Variants in GNG7 observed in about 807,000 individuals in gnomAD.
GNG7 encodes G protein subunit gamma 7.
GNG7 carries 1 observed loss-of-function variant against 4.0 expected under a neutral mutation model. The ratio of observed to expected loss-of-function variants is 0.25; its 90% CI spans 0.09 to 1.18. The LOEUF is 1.18. Ranked by LOEUF, GNG7 falls within the 50% of genes most tolerant of loss-of-function variation. The pLI is 0.50. For missense variants in GNG7, 86 were observed against 91.9 expected (o/e 0.94, Z 0.26); for synonymous variants, 34 against 36.9 (o/e 0.92, Z 0.29).
chr19:2,601,130 C>A (rs949445099), intron 2 of GNG7, among the ~76,000 whole-genome samples: 1 of 151,842 alleles, frequency 6.6e-6, no homozygotes, highest in Non-Finnish European at 1.5e-5. Context: ...GAGAGACCTC[C>A]CCCCCGCCAC....
In GNG7 at chr19:2,691,589, G is replaced by A. The variant is rs182304210; in HGVS notation, c.-135+11057C>T. ...AAATAATAATAAAAGGAAAAGAGCC[G>A]GGCGTGGTGGCTCACGCCTGTAATC... On this transcript the variant is annotated intron_variant, in intron 1 of 4. Coordinates refer to ENST00000382159, the MANE Select transcript of GNG7 (RefSeq NM_052847.3). 4.9e-3 allele frequency among the ~76,000 whole-genome samples: 739 copies of A among 151,688 alleles called. 3 individuals carry two copies. The highest frequency in any genetic ancestry group is 9.1e-3 in the Non-Finnish European group (617 of 67,860).
intron 3 of GNG7, among the ~76,000 whole-genome samples, chr19:2,536,588 A>G (rs149753205): frequency 7.9e-5 from 12 of 152,352 alleles, no homozygotes; most frequent in African/African-American, 2.6e-4. Context: ...CTTGCAGACA[A>G]GAGCACTGCC....
intron 3 of GNG7, among the ~76,000 whole-genome samples, chr19:2,528,098 A>C (rs1307300631): frequency 6.6e-6 from 1 of 150,810 alleles, no homozygotes; most frequent in African/African-American, 2.5e-5. Flanking sequence ...TGAAACCCCC[A>C]CGTCTGCTAA....
Position 2,514,269 on chromosome 19 carries a change from C to A in GNG7, c.*753G>T, listed in dbSNP as rs1244258360. On this transcript the variant is annotated 3_prime_UTR_variant, in exon 5 of 5. Transcript: ENST00000382159. ...GGTGACGGCTTCCCTGGGGCAAGTC[C>A]CGAAAACCCATTTCTGGCACAGAGG... The A allele has an allele frequency of 6.6e-6, 1 of 152,144 alleles. No individual in the cohort carries two copies. The highest frequency in any genetic ancestry group is 2.4e-5 in the African/African-American group (1 of 41,368). 9.4% of individuals were successfully genotyped at this position (152,144 alleles called of 1,614,324 possible). A position where few individuals can be genotyped will look rare whatever the true frequency, so the allele number is the denominator to read the frequency against.
intron 1 of GNG7, among the ~76,000 whole-genome samples, chr19:2,650,139 G>A (rs1239177400): frequency 6.6e-6 from 1 of 151,296 alleles, no homozygotes; most frequent in Admixed American, 6.6e-5. Context: ...CCTTCTTGTT[G>A]GCAATTGTGA....
At chr19:2,581,050 C>T (rs1257054794) in intron 2 of GNG7, among the ~76,000 whole-genome samples, 3 of 152,108 alleles carry the variant, frequency 2.0e-5, no homozygotes, top group Admixed American at 2.0e-4. Flanking sequence ...CAGGCGTGGG[C>T]CACTGCGCCC....
intron 3 of GNG7, among the ~76,000 whole-genome samples, chr19:2,536,662 C>G (rs1401565778): frequency 1.3e-5 from 2 of 152,168 alleles, no homozygotes; most frequent in Non-Finnish European, 2.9e-5. Flanking sequence ...GAGGTCCCGA[C>G]AGGGAGGACT....
rs1274654174 is a variant in GNG7 at position 2,653,200 on chromosome 19, G to A, written c.-134-6920C>T. 6.6e-6 allele frequency among the ~76,000 whole-genome samples: 1 copy of A among 152,180 alleles called. No homozygotes were observed. Among genetic ancestry groups the A allele is most frequent in the Non-Finnish European group, 1.5e-5 (1 of 68,034 alleles). On this transcript the variant is annotated intron_variant, in intron 1 of 4. Coordinates refer to ENST00000382159, the MANE Select transcript of GNG7 (RefSeq NM_052847.3). This position sits in a 1 kb window ranked among gnomAD's most constrained non-coding sequence, Gnocchi z 4.8. ...ATCTTCTAGGGTTATTAAGGTGCTG[G>A]TTGTTATTTTTGCTTGTAATTCTGA...
intron 2 of GNG7, among the ~76,000 whole-genome samples, chr19:2,620,655 A>C (rs1981844448): frequency 6.6e-6 from 1 of 152,138 alleles, no homozygotes; most frequent in Non-Finnish European, 1.5e-5. Flanking sequence ...GGGTGAGCTT[A>C]TGCCGTCAGC....
chr19:2,520,403 G>T (rs1046257482), intron 4 of GNG7, among the ~76,000 whole-genome samples: 1 of 152,294 alleles, frequency 6.6e-6, no homozygotes, highest in East Asian at 1.9e-4. Context: ...ATTGCTGCAC[G>T]AAGGCAGGAG....
intron 2 of GNG7, among the ~76,000 whole-genome samples, chr19:2,589,395 T>TA (rs1555696130): frequency 1.1e-4 from 12 of 113,124 alleles, no homozygotes; most frequent in African/African-American, 3.6e-4. Flanking sequence ...TTTTTTTTTT[T>TA]AAATAGCAGA....
rs200287140 is a variant in GNG7, at chr19:2,553,383, C to CATATATATATATAT, written c.-38+1765_-38+1766insATATATATATATAT. Among the ~76,000 whole-genome samples the CATATATATATATAT allele has an allele frequency of 7.1e-3, 906 of 127,576 alleles. 13 individuals carry two copies. Among genetic ancestry groups the CATATATATATATAT allele is most frequent in the African/African-American group, 0.018 (586 of 32,338 alleles). The allele number at this position is 127,576 out of a possible 152,430, so 83.7% of individuals were successfully genotyped here. On this transcript the variant is annotated intron_variant, in intron 3 of 4. Coordinates refer to ENST00000382159, the MANE Select transcript of GNG7 (RefSeq NM_052847.3). ...ACTGACATGCCAGCATGGTGCTGAG[C>CATATATATATATAT]ATATATATATATACATATATATATG... is the stretch of plus-strand genomic sequence containing the variant.
intron 3 of GNG7, among the ~76,000 whole-genome samples, chr19:2,549,178 G>A (rs905818114): frequency 3.3e-5 from 5 of 152,296 alleles, no homozygotes; most frequent in East Asian, 3.9e-4. Context: ...AACGCTCGAC[G>A]CTCAAACACA....
At chr19:2,619,277 T>C (rs2144830604) in intron 2 of GNG7, among the ~76,000 whole-genome samples, 1 of 152,316 alleles carries the variant, frequency 6.6e-6, no homozygotes, top group South Asian at 2.1e-4. Context: ...TGTGTGTTTT[T>C]GTAAATAAAG....
intron 1 of GNG7, among the ~76,000 whole-genome samples, chr19:2,667,426 G>A (rs1322221076): frequency 6.6e-6 from 1 of 152,146 alleles, no homozygotes; most frequent in Non-Finnish European, 1.5e-5. Context: ...TCTTCTGTGC[G>A]TGAATACCTC....
intron 3 of GNG7, chr19:2,538,685 C>A: frequency 2.2e-6 from 1 of 461,798 alleles, no homozygotes; most frequent in Non-Finnish European, 4.4e-6. Context: ...GTTCACTACT[C>A]TAACAGCTCC....
Position 2,617,728 on chromosome 19 carries a change from T to TA in GNG7, c.-78+28495_-78+28496insT, listed in dbSNP as rs1048094729. 8.6e-5 allele frequency among the ~76,000 whole-genome samples: 13 copies of TA among 151,876 alleles called. 1 individual carries two copies. Among genetic ancestry groups the TA allele is most frequent in the African/African-American group, 3.1e-4 (13 of 41,374 alleles). On this transcript the variant is annotated intron_variant, in intron 2 of 4. Coordinates refer to ENST00000382159, the MANE Select transcript of GNG7 (RefSeq NM_052847.3). The surrounding 1 kb of genome is among the most constrained non-coding windows in gnomAD (Gnocchi z 4.7). The stretch of plus-strand genomic sequence containing the variant: ...ATTTTGTCTTTTCCTTTTTATTTTT[T>TA]TTTTTTTTGAGATAGGGTCTTGCTC...
At chr19:2,631,802 G>A (rs1172736778) in intron 2 of GNG7, among the ~76,000 whole-genome samples, 2 of 152,230 alleles carry the variant, frequency 1.3e-5, no homozygotes, top group African/African-American at 4.8e-5. Context: ...ACTAGATGGG[G>A]GACTTGGCCT....
chr19:2,570,918 C>T (rs1276152382), intron 2 of GNG7, among the ~76,000 whole-genome samples: 2 of 152,052 alleles, frequency 1.3e-5, no homozygotes, highest in Non-Finnish European at 2.9e-5. Flanking sequence ...CTGCCTCAGC[C>T]TCCCCAGTAG....
Sources: gnomAD v4.1 joint callset for allele counts (sites outside exome capture counted in the v4.1 genomes callset) on GRCh38, gnomAD v4.1.1 for gene constraint, Gnocchi (gnomAD v3.1) non-coding constraint, MANE v1.5 for transcripts, NCBI Gene and HGNC (gene_info 2026-07-23, HGNC 2026-07-21) for gene names.